The following TBC1D32 variants were observed in gnomAD, a reference collection of about 807,000 sequenced individuals.
The protein encoded by TBC1D32 is TBC1 domain family member 32.
A neutral mutation model predicts 170.3 loss-of-function variants in TBC1D32; 151 were observed. The ratio of observed to expected loss-of-function variants is 0.89; its 90% CI spans 0.78 to 1.01. The LOEUF is 1.01. Among genes scored for constraint, TBC1D32 ranks in the 50% least tolerant of loss-of-function variants. The pLI, the probability that TBC1D32 is intolerant of heterozygous loss-of-function variation, is 0.00. For missense variants in TBC1D32, 1,464 were observed against 1,457.1 expected, an observed-to-expected ratio of 1.00 and a Z score of -0.08; for synonymous variants, 498 against 488.0, an observed-to-expected ratio of 1.02 and a Z score of -0.27.
chr6:121,162,424 T>G (rs552272035), intron 22 of TBC1D32, among the ~76,000 whole-genome samples: 1 of 152,122 alleles, frequency 6.6e-6, no homozygotes, highest in African/African-American at 2.4e-5. Flanking sequence ...GCACCATATA[T>G]GACAAACCCA....
intron 10 of TBC1D32, among the ~76,000 whole-genome samples, chr6:121,297,805 G>C (rs1484991087): frequency 6.6e-6 from 1 of 151,988 alleles, no homozygotes; most frequent in Admixed American, 6.6e-5. Flanking sequence ...ATTTACTCTA[G>C]TCTCATTTCA....
intron 26 of TBC1D32, 33 bp from the exon 27 acceptor site, chr6:121,115,274 C>T (rs7772283): frequency 0.16 from 243,046 of 1,481,536 alleles, 28,390 homozygotes; most frequent in African/African-American, 0.57. Context: ...TTATAAAGTG[C>T]AGAAAAGTTT....
intron 31 of TBC1D32, among the ~76,000 whole-genome samples, chr6:121,090,099 A>C (rs1220027244): frequency 6.6e-6 from 1 of 152,114 alleles, no homozygotes; most frequent in South Asian, 2.1e-4. Flanking sequence ...CAGCCAGCTA[A>C]TTTTTTGTAT....
intron 31 of TBC1D32, among the ~76,000 whole-genome samples, chr6:121,082,293 T>C (rs73766690): frequency 0.018 from 2,715 of 152,114 alleles, 83 homozygotes; most frequent in African/African-American, 0.061. Flanking sequence ...TAAATTCCTG[T>C]CCCATTAAAA....
At chr6:121,271,456 C>T (rs544126410) in intron 15 of TBC1D32, among the ~76,000 whole-genome samples, 4 of 152,036 alleles carry the variant, frequency 2.6e-5, no homozygotes, top group Admixed American at 6.6e-5. Context: ...ACAGGCATTC[C>T]TATACACCAA....
intron 24 of TBC1D32, among the ~76,000 whole-genome samples, chr6:121,153,077 G>A (rs1784408852): frequency 1.3e-5 from 2 of 152,096 alleles, no homozygotes; most frequent in Admixed American, 1.3e-4. Context: ...CAGGAGAAAA[G>A]GTGTTCTGGT....
intron 20 of TBC1D32, among the ~76,000 whole-genome samples, chr6:121,230,644 GAT>G (rs3076859): frequency 1.3e-5 from 2 of 149,654 alleles, no homozygotes; most frequent in South Asian, 2.1e-4. Context: ...GTATATATCT[GAT>G]ATATATATAT....
At chr6:121,256,342 G>C in intron 15 of TBC1D32, 57 bp from the exon 16 acceptor site, 3 of 1,451,306 alleles carry the variant, frequency 2.1e-6, no homozygotes, top group Non-Finnish European at 2.8e-6. Flanking sequence ...ACTTCATAAA[G>C]CTCTACCAAA....
intron 21 of TBC1D32, among the ~76,000 whole-genome samples, chr6:121,218,690 T>G (rs1446199491): frequency 6.6e-6 from 1 of 152,162 alleles, no homozygotes; most frequent in Non-Finnish European, 1.5e-5. Flanking sequence ...CATAGAGAGA[T>G]ATATCCTATT....
At chr6:121,141,436 G>A (rs1782772997) in intron 24 of TBC1D32, among the ~76,000 whole-genome samples, 1 of 152,132 alleles carries the variant, frequency 6.6e-6, no homozygotes, top group Non-Finnish European at 1.5e-5. Context: ...AATACATAAA[G>A]TGCTCTTACA....
At chr6:121,102,911 C>T (rs1010596884) in intron 30 of TBC1D32, among the ~76,000 whole-genome samples, 2 of 151,786 alleles carry the variant, frequency 1.3e-5, no homozygotes, top group African/African-American at 4.8e-5. Flanking sequence ...CAAATAACCC[C>T]ATCAAAAAGA....
chr6:121,117,731 C>T lies in TBC1D32; in HGVS notation c.2984-2490G>A, dbSNP rs368722011. On this transcript the variant is annotated intron_variant, in intron 26 of 31. Coordinates refer to ENST00000398212, the MANE Select transcript of TBC1D32 (RefSeq NM_152730.6). Reference sequence around the variant, plus strand: ...AAACAAAAACAAAAAAAAGAGGTTTCCATTTTAAATTTGTATTATATTTGA... The same window carrying T: ...AAACAAAAACAAAAAAAAGAGGTTTTCATTTTAAATTTGTATTATATTTGA... Among the ~76,000 whole-genome samples, 5 of 151,774 alleles carry T rather than the reference C, an allele frequency of 3.3e-5. No homozygotes were observed. The East Asian group carries it at 9.7e-4, about 29-fold the overall frequency.
chr6:121,182,042 T>C (rs1055596297), intron 22 of TBC1D32, among the ~76,000 whole-genome samples: 3 of 152,018 alleles, frequency 2.0e-5, no homozygotes, highest in African/African-American at 4.8e-5. Context: ...CACTATGACA[T>C]ATAAATGTAA....
At chr6:121,125,760 T>C (rs1780767420) in intron 26 of TBC1D32, among the ~76,000 whole-genome samples, 1 of 152,162 alleles carries the variant, frequency 6.6e-6, no homozygotes, top group Non-Finnish European at 1.5e-5. Context: ...TGGAGAGACA[T>C]GTCTCAGCTC....
At chr6:121,304,480 CTAAA>C (rs766030060) in intron 7 of TBC1D32, 38 bp downstream of exon 7, 11 of 1,602,060 alleles carry the variant, frequency 6.9e-6, no homozygotes, top group Non-Finnish European at 9.4e-6. Context: ...AAATATAAAA[CTAAA>C]TAAATAAAAA....
Position 121,103,584 on chromosome 6 carries a change from T to C in TBC1D32, c.3465+2439A>G, listed in dbSNP as rs1169594776. On this transcript the variant is annotated intron_variant, in intron 30 of 31. Transcript: ENST00000398212. The stretch of plus-strand genomic sequence containing the variant: ...GAACATTACACTCTGGGGCCTGTTG[T>C]AGGGAGGGGGGAGGGGGGAGGGATA... 1.9e-4 allele frequency among the ~76,000 whole-genome samples: 18 copies of C among 94,664 alleles called. No homozygotes were observed. In the Admixed American group the frequency reaches 3.1e-3, roughly 16 times the overall value. 62.1% of individuals were successfully genotyped at this position (94,664 alleles called of 152,430 possible). A position where few individuals can be genotyped will look rare whatever the true frequency, so the allele number is the denominator to read the frequency against.
At chr6:121,285,645 T>C (rs1399205675) in intron 12 of TBC1D32, among the ~76,000 whole-genome samples, 1 of 152,044 alleles carries the variant, frequency 6.6e-6, no homozygotes, top group Non-Finnish European at 1.5e-5. Context: ...GAGTAATGGT[T>C]CTCCCAGCAA....
intron 21 of TBC1D32, among the ~76,000 whole-genome samples, chr6:121,206,740 T>C (rs180820635): frequency 1.0e-3 from 157 of 152,312 alleles, no homozygotes; most frequent in Middle Eastern, 6.8e-3. Context: ...GACTACCTAG[T>C]AATGATGAAT....
intron 22 of TBC1D32, among the ~76,000 whole-genome samples, chr6:121,194,436 A>T (rs1310919358): frequency 6.6e-6 from 1 of 152,206 alleles, no homozygotes; most frequent in Non-Finnish European, 1.5e-5. Context: ...GACTTGAAGG[A>T]TGCATAGGTG....
Sources: allele counts gnomAD v4.1 joint callset (sites outside exome capture counted in the v4.1 genomes callset), GRCh38; gene constraint gnomAD v4.1.1; transcripts MANE v1.5; gene names NCBI Gene and HGNC (gene_info 2026-07-23, HGNC 2026-07-21).